Variants in SLC4A4 observed in about 807,000 individuals in gnomAD.
SLC4A4 encodes the protein electrogenic sodium bicarbonate cotransporter 1.
In SLC4A4, 27 loss-of-function variants were observed where a neutral mutation model predicts 111.5. The ratio of observed to expected loss-of-function variants is 0.24; its 90% CI spans 0.18 to 0.33. The LOEUF (loss-of-function observed/expected upper bound fraction) is 0.33. Ranked by LOEUF, SLC4A4 falls within the 10% of genes least tolerant of loss-of-function variation. The pLI is 1.00. For missense variants in SLC4A4, 909 were observed against 1,315.5 expected (o/e 0.69, Z 4.78); for synonymous variants, 443 against 463.4 (o/e 0.96, Z 0.57).
chr4:71,135,296 CTTT>C (rs376221639), intron 2 of SLC4A4, among the ~76,000 whole-genome samples: 10 of 130,614 alleles, frequency 7.7e-5, no homozygotes, highest in African/African-American at 8.6e-5. Context: ...ACAATCTACT[CTTT>C]TTTTTTTTTT....
intron 1 of SLC4A4, among the ~76,000 whole-genome samples, chr4:71,209,931 C>T (rs530916724): frequency 6.6e-6 from 1 of 152,250 alleles, no homozygotes; most frequent in East Asian, 1.9e-4. Flanking sequence ...TGTTCCAGTG[C>T]TTTTTGTGGT....
chr4:71,396,861 G>A (rs1182539966), intron 6 of SLC4A4, among the ~76,000 whole-genome samples: 1 of 152,122 alleles, frequency 6.6e-6, no homozygotes, highest in Non-Finnish European at 1.5e-5. Context: ...GTAGTATTCC[G>A]ATGACATCCA....
rs1355947899 is a variant in SLC4A4 at position 71,557,861 on chromosome 4, G to A, written c.2913G>A (p.Val971=). 6.2e-7 allele frequency: 1 copy of A among 1,612,410 alleles called. No homozygotes were observed. Among genetic ancestry groups the A allele is most frequent in the Non-Finnish European group, 8.5e-7 (1 of 1,179,090 alleles). ...LALLWILKST[V]AAIIFPVMIL... is the part of the protein sequence containing the mutation. ...TGCTTTGGATCCTCAAGTCAACGGT[G>A]GCTGCTATCATTTTTCCAGTAATGG... The change falls in exon 22 of 26, where the codon GTG becomes GTA. Residue 971 remains valine (V), a synonymous_variant. Transcript: ENST00000264485.
At chr4:71,209,551 A>G (rs1718001176) in intron 1 of SLC4A4, among the ~76,000 whole-genome samples, 1 of 152,202 alleles carries the variant, frequency 6.6e-6, no homozygotes, top group Non-Finnish European at 1.5e-5. Flanking sequence ...GCTACCTGTA[A>G]TGCATTTTGG....
chr4:71,539,801 C>T (rs547600253), intron 18 of SLC4A4, among the ~76,000 whole-genome samples: 32 of 152,244 alleles, frequency 2.1e-4, no homozygotes, highest in African/African-American at 7.0e-4. Flanking sequence ...TTTCAGCTCT[C>T]GTTTGGCCCA....
chr4:71,486,670 CT>C (rs67649416), intron 14 of SLC4A4, among the ~76,000 whole-genome samples: 5 of 148,476 alleles, frequency 3.4e-5, no homozygotes, highest in South Asian at 2.1e-4. Context: ...AGTTTTATTT[CT>C]TTTTTTTTTG....
intron 1 of SLC4A4, among the ~76,000 whole-genome samples, chr4:71,080,035 C>T (rs1487980638): frequency 6.6e-6 from 1 of 152,006 alleles, no homozygotes; most frequent in Non-Finnish European, 1.5e-5. Context: ...TATTGATCAG[C>T]CTCTGGAGGG....
chr4:71,443,472 T>C (rs1409286987), intron 8 of SLC4A4, among the ~76,000 whole-genome samples: 1 of 151,956 alleles, frequency 6.6e-6, no homozygotes, highest in Non-Finnish European at 1.5e-5. Flanking sequence ...TTGAGCTATA[T>C]AGGGGATGAA....
chr4:71,127,943 T>C (rs1743602598), intron 2 of SLC4A4, among the ~76,000 whole-genome samples: 2 of 152,156 alleles, frequency 1.3e-5, no homozygotes, highest in Non-Finnish European at 2.9e-5. Flanking sequence ...GGCAACGTGA[T>C]GAAACCCAGT....
chr4:71,476,261 A>G (rs956365040), intron 14 of SLC4A4, among the ~76,000 whole-genome samples: 1 of 151,828 alleles, frequency 6.6e-6, no homozygotes, highest in Non-Finnish European at 1.5e-5. Flanking sequence ...TTCATCATCA[A>G]TTTAGTATTT....
intron 3 of SLC4A4, among the ~76,000 whole-genome samples, chr4:71,335,993 C>G (rs897392880): frequency 2.6e-5 from 4 of 151,932 alleles, no homozygotes; most frequent in African/African-American, 7.3e-5. Flanking sequence ...GAATAAATTA[C>G]TTAGTTAATA....
intron 2 of SLC4A4, among the ~76,000 whole-genome samples, chr4:71,167,375 T>C (rs188888209): frequency 1.3e-5 from 2 of 152,176 alleles, no homozygotes; most frequent in Non-Finnish European, 2.9e-5. Flanking sequence ...CTATGCCACA[T>C]AGCCTTATTC....
At chr4:71,124,900 AAAGGG>A (rs1743521912) in intron 2 of SLC4A4, among the ~76,000 whole-genome samples, 1 of 152,230 alleles carries the variant, frequency 6.6e-6, no homozygotes, top group African/African-American at 2.4e-5. Context: ...TGTTTAACTA[AAAGGG>A]AAGAAAAGTT....
rs980437146 is a variant in SLC4A4, at chr4:71,236,163, A to G, written c.-1-413A>G. The G allele has an allele frequency of 1.9e-5, 20 of 1,057,586 alleles. No homozygotes were observed. In the African/African-American group the frequency reaches 3.2e-4, roughly 17 times the overall value. The allele number at this position is 1,057,586 out of a possible 1,614,324, so 65.5% of individuals were successfully genotyped here. A position where few individuals can be genotyped will look rare whatever the true frequency, so the allele number is the denominator to read the frequency against. On this transcript the variant is annotated intron_variant, in intron 1 of 25. Transcript: ENST00000264485. ...TTATGCAGTGGGTGTTTAAAGAGCT[A>G]AGCACTGAAGCTGGATTTCCACAAA...
intron 12 of SLC4A4, among the ~76,000 whole-genome samples, chr4:71,457,076 G>A (rs960182733): frequency 2.6e-5 from 4 of 152,222 alleles, no homozygotes; most frequent in South Asian, 2.1e-4. Context: ...GGGTAGAAAC[G>A]TGTTGTGAAA....
chr4:71,187,381 A>C lies in SLC4A4; in HGVS notation c.-22A>C, dbSNP rs1745518950. On this transcript the variant is annotated 5_prime_UTR_variant, in exon 1 of 26. Transcript: ENST00000264485. Reference sequence around the variant, plus strand: ...ACTCCGCCGCCAAACTGGAGGAGCGACGGAAGCCAGACCCCAGGAGGTGAG... The same window carrying C: ...ACTCCGCCGCCAAACTGGAGGAGCGCCGGAAGCCAGACCCCAGGAGGTGAG... 1 of 151,922 alleles carries C rather than the reference A, an allele frequency of 6.6e-6. No individual in the cohort carries two copies. The highest frequency in any genetic ancestry group is 1.5e-5 in the Non-Finnish European group (1 of 67,922). The allele number at this position is 151,922 out of a possible 1,614,324, so 9.4% of individuals were successfully genotyped here.
intron 2 of SLC4A4, among the ~76,000 whole-genome samples, chr4:71,139,366 T>C (rs1338377644): frequency 6.6e-6 from 1 of 152,164 alleles, no homozygotes; most frequent in African/African-American, 2.4e-5. Context: ...TCTTCATCCA[T>C]TTACAACACC....
intron 2 of SLC4A4, among the ~76,000 whole-genome samples, chr4:71,127,622 A>G (rs1743593766): frequency 6.6e-6 from 1 of 152,216 alleles, no homozygotes; most frequent in Admixed American, 6.5e-5. Flanking sequence ...GAGATGACCA[A>G]AAGGACTTTG....
In SLC4A4 at chr4:71,564,005, A is replaced by T. The variant is rs191622975; in HGVS notation, c.3196+116A>T. 3 of 738,722 alleles carry T rather than the reference A, an allele frequency of 4.1e-6. No homozygotes were observed. In the South Asian group the frequency reaches 4.5e-5, roughly 11 times the overall value. 45.8% of individuals were successfully genotyped at this position (738,722 alleles called of 1,614,324 possible). A position where few individuals can be genotyped will look rare whatever the true frequency, so the allele number is the denominator to read the frequency against. On this transcript the variant is annotated intron_variant, in intron 24 of 25. Transcript: ENST00000264485. ...CCTCAATTTTGTTTTTCCTTTTTCT[A>T]TGAGAAGATTTACACTTAATTATAA...
Sources: allele counts gnomAD v4.1 joint callset (sites outside exome capture counted in the v4.1 genomes callset), GRCh38; gene constraint gnomAD v4.1.1; transcripts MANE v1.5; gene names NCBI Gene and HGNC (gene_info 2026-07-23, HGNC 2026-07-21).